The following HCN1 variants were observed in gnomAD, a reference collection of about 807,000 sequenced individuals.
HCN1 encodes potassium/sodium hyperpolarization-activated cyclic nucleotide-gated channel 1.
A neutral mutation model predicts 78.9 loss-of-function variants in HCN1; 13 were observed. That is an observed-to-expected ratio of 0.16 (90% confidence interval 0.11 to 0.26). The LOEUF is 0.26. Among genes scored for constraint, HCN1 ranks in the 10% least tolerant of loss-of-function variants. The pLI is 1.00. For missense variants in HCN1, 810 were observed against 1,154.3 expected, an observed-to-expected ratio of 0.70 and a Z score of 4.32; for synonymous variants, 552 against 455.5, an observed-to-expected ratio of 1.21 and a Z score of -2.70.
intron 6 of HCN1, among the ~76,000 whole-genome samples, chr5:45,281,063 A>G (rs1745152870): frequency 6.6e-6 from 1 of 152,128 alleles, no homozygotes; most frequent in Non-Finnish European, 1.5e-5. Flanking sequence ...CTGTTAATAA[A>G]TAGTATCATG....
chr5:45,313,547 C>T (rs1392895701), intron 5 of HCN1, among the ~76,000 whole-genome samples: 3 of 152,148 alleles, frequency 2.0e-5, no homozygotes, highest in Non-Finnish European at 2.9e-5. Context: ...GAGAAGAAGG[C>T]TTCAGACGAT....
At chr5:45,542,669 A>G in intron 2 of HCN1, among the ~76,000 whole-genome samples, 1 of 152,116 alleles carries the variant, frequency 6.6e-6, no homozygotes, top group East Asian at 1.9e-4. Context: ...CAGGCGTGAA[A>G]TTCACCCACG....
intron 5 of HCN1, among the ~76,000 whole-genome samples, chr5:45,312,431 C>A (rs1372866732): frequency 6.6e-6 from 1 of 152,140 alleles, no homozygotes; most frequent in Non-Finnish European, 1.5e-5. Flanking sequence ...CTACAGCTCC[C>A]AGTGTGAGCG....
At chr5:45,494,094 A>G (rs1741965749) in intron 2 of HCN1, among the ~76,000 whole-genome samples, 1 of 152,140 alleles carries the variant, frequency 6.6e-6, no homozygotes, top group Non-Finnish European at 1.5e-5. Flanking sequence ...AGCATGATTT[A>G]TAGTCCTTTG....
At chr5:45,683,181 CTT>C (rs1271897586) in intron 1 of HCN1, among the ~76,000 whole-genome samples, 2 of 151,432 alleles carry the variant, frequency 1.3e-5, no homozygotes, top group African/African-American at 2.4e-5. Context: ...TTGGATTTAA[CTT>C]TGCTGAAAAA....
rs983098322 is a variant in HCN1, at chr5:45,328,009, C to G, written c.1378-24170G>C. On this transcript the variant is annotated intron_variant, in intron 5 of 7. Transcript: ENST00000303230. ...GCAAGTTAGGCTGGTCAAAATGTGA[C>G]AAGAAGAATGAAGTTGCCCCTTCTG... is the stretch of plus-strand genomic sequence containing the variant. 3.3e-5 allele frequency among the ~76,000 whole-genome samples: 5 copies of G among 151,640 alleles called. No individual in the cohort carries two copies. In the East Asian group the frequency reaches 9.7e-4, roughly 29 times the overall value.
chr5:45,677,975 C>T (rs1011360650), intron 1 of HCN1, among the ~76,000 whole-genome samples: 1 of 144,180 alleles, frequency 6.9e-6, no homozygotes, highest in Non-Finnish European at 1.5e-5. Flanking sequence ...AGATTAAACA[C>T]ATACACACAC....
At chr5:45,456,111 T>C (rs1468600488) in intron 3 of HCN1, among the ~76,000 whole-genome samples, 1 of 152,002 alleles carries the variant, frequency 6.6e-6, no homozygotes, top group Non-Finnish European at 1.5e-5. Flanking sequence ...GCATCTTAAC[T>C]TTTTGGAAAT....
chr5:45,429,672 T>C (rs922656663), intron 3 of HCN1, among the ~76,000 whole-genome samples: 1 of 152,104 alleles, frequency 6.6e-6, no homozygotes, highest in African/African-American at 2.4e-5. Context: ...TTGGAAGGAA[T>C]ATTGAATTGG....
intron 2 of HCN1, among the ~76,000 whole-genome samples, chr5:45,627,369 G>T (rs1229613140): frequency 6.6e-6 from 1 of 152,094 alleles, no homozygotes; most frequent in Admixed American, 6.6e-5. Context: ...TGATCAGTTT[G>T]CATCATGTGA....
intron 6 of HCN1, among the ~76,000 whole-genome samples, chr5:45,297,195 AG>A (rs1317757715): frequency 1.3e-5 from 2 of 152,134 alleles, no homozygotes; most frequent in African/African-American, 2.4e-5. Context: ...GCTGAATTAA[AG>A]GAATACGTTG....
chr5:45,335,900 T>C (rs1406061545), intron 5 of HCN1, among the ~76,000 whole-genome samples: 1 of 152,052 alleles, frequency 6.6e-6, no homozygotes, highest in East Asian at 1.9e-4. Flanking sequence ...TGGATTTAAA[T>C]GAGGCTTGTG....
chr5:45,399,400 A>G (rs368667093), intron 3 of HCN1, among the ~76,000 whole-genome samples: 4 of 152,344 alleles, frequency 2.6e-5, no homozygotes, highest in Non-Finnish European at 4.4e-5. Flanking sequence ...CTTACAAAAC[A>G]TAAGTTCAAA....
intron 3 of HCN1, among the ~76,000 whole-genome samples, chr5:45,428,392 T>A (rs1297116710): frequency 6.6e-6 from 1 of 152,026 alleles, no homozygotes; most frequent in African/African-American, 2.4e-5. Context: ...GTCCTTACTT[T>A]CCCTTCTTCT....
chr5:45,476,057 T>C (rs1049476746), intron 2 of HCN1, among the ~76,000 whole-genome samples: 2 of 152,190 alleles, frequency 1.3e-5, no homozygotes, highest in Admixed American at 1.3e-4. Context: ...AGAGTAGCTA[T>C]AGGACAATAT....
At chr5:45,494,812 A>C (rs1262237700) in intron 2 of HCN1, among the ~76,000 whole-genome samples, 2 of 152,174 alleles carry the variant, frequency 1.3e-5, no homozygotes. Flanking sequence ...TCAGCTTTCT[A>C]CATATGGCTA....
intron 4 of HCN1, among the ~76,000 whole-genome samples, chr5:45,374,701 C>G (rs755464041): frequency 6.0e-5 from 9 of 150,094 alleles, no homozygotes; most frequent in Admixed American, 1.4e-4. Flanking sequence ...AAAAAGAAAA[C>G]TTCAGGTAAA....
At position 45,376,251 on chromosome 5, in the gene HCN1, A is replaced by ATG. The variant is rs371543140; in HGVS notation, c.1230+20240_1230+20241insCA. On this transcript the variant is annotated intron_variant, in intron 4 of 7. Transcript: ENST00000303230. ...AATATATATTCTATATATTCTATAT[A>ATG]GAATATAGAATATATATTCTATATA... Among the ~76,000 whole-genome samples the ATG allele has an allele frequency of 2.5e-3, 102 of 40,862 alleles. 5 individuals carry two copies. Among genetic ancestry groups the ATG allele is most frequent in the Non-Finnish European group, 2.4e-3 (58 of 23,758 alleles). 26.8% of individuals were successfully genotyped at this position (40,862 alleles called of 152,430 possible).
At chr5:45,645,921 CT>C (rs762647246) in intron 1 of HCN1, among the ~76,000 whole-genome samples, 3 of 151,874 alleles carry the variant, frequency 2.0e-5, no homozygotes, top group Non-Finnish European at 4.4e-5. Flanking sequence ...CTACCTTATA[CT>C]TAATACAAAA....
Sources: allele counts gnomAD v4.1 joint callset (sites outside exome capture counted in the v4.1 genomes callset), GRCh38; gene constraint gnomAD v4.1.1; transcripts MANE v1.5; gene names NCBI Gene and HGNC (gene_info 2026-07-23, HGNC 2026-07-21).